The following ARPC1A variants were observed in gnomAD, a reference collection of about 807,000 sequenced individuals.
ARPC1A encodes the protein actin-related protein 2/3 complex subunit 1A.
A neutral mutation model predicts 46.9 loss-of-function variants in ARPC1A; 8 were observed. The observed-to-expected ratio is 0.17, with a 90% confidence interval of 0.10 to 0.31. ARPC1A has a LOEUF of 0.31. Among genes scored for constraint, ARPC1A ranks in the 10% least tolerant of loss-of-function variants. The pLI, the probability that ARPC1A is intolerant of heterozygous loss-of-function variation, is 1.00. For synonymous variants in ARPC1A, 152 were observed against 169.0 expected, an observed-to-expected ratio of 0.90 and a Z score of 0.78; for missense variants, 286 against 483.6, an observed-to-expected ratio of 0.59 and a Z score of 3.83.
intron 5 of ARPC1A, among the ~76,000 whole-genome samples, chr7:99,353,243 G>A (rs1472695656): frequency 6.8e-6 from 1 of 147,714 alleles, no homozygotes; most frequent in East Asian, 2.1e-4. Flanking sequence ...ACTGCAAGCT[G>A]TGCCTCCTGG....
chr7:99,340,156 G>A (rs1793333867), intron 3 of ARPC1A: 3 of 350,606 alleles, frequency 8.6e-6, no homozygotes, highest in Non-Finnish European at 1.7e-5. Context: ...GTTTTTGTTT[G>A]TTTGTTTGTT....
rs573755738 is a variant in ARPC1A, at chr7:99,355,937, G to C, written c.713+1816G>C. Among the ~76,000 whole-genome samples the C allele has an allele frequency of 2.0e-5, 3 of 152,312 alleles. No homozygotes were observed. The South Asian group carries it at 6.2e-4, about 32-fold the overall frequency. Reference sequence around the variant, plus strand: ...GCCACTTCTCTGCTGTGGCTGGAAGGACTCGAATTACGGTGGCTTCTTTGT... The same window carrying C: ...GCCACTTCTCTGCTGTGGCTGGAAGCACTCGAATTACGGTGGCTTCTTTGT... On this transcript the variant is annotated intron_variant, in intron 6 of 9. Transcript: ENST00000262942.
Position 99,353,976 on chromosome 7 carries a change from C to G in ARPC1A, c.568C>G (p.Pro190Ala), listed in dbSNP as rs573083020. The change falls in exon 6 of 10, where the codon CCT (proline) becomes GCT (alanine). Residue 190 changes from proline to alanine, a missense_variant. By Grantham distance (27) the Pro-to-Ala change is conservative. Transcript: ENST00000262942. ...PASTPWGSKM[P>A]FGQLMSEFGG... ...CAGCACGCCCTGGGGCAGCAAGATG[C>G]CTTTTGGGCAGCTGATGTCAGAGTT... The G allele has an allele frequency of 6.2e-7, 1 of 1,613,990 alleles. No homozygotes were observed. The highest frequency in any genetic ancestry group is 1.1e-5 in the South Asian group (1 of 91,080).
In ARPC1A at chr7:99,365,936, G is replaced by A. The variant is rs1793833597; in HGVS notation, c.*7G>A. On this transcript the variant is annotated 3_prime_UTR_variant, in exon 10 of 10. Coordinates refer to ENST00000262942, the MANE Select transcript of ARPC1A (RefSeq NM_006409.4). ...GGGCCTCCGGATAATGTGAAGCTGA[G>A]TGAGCCTCCGCCATCCAGCATGACA... is the stretch of plus-strand genomic sequence containing the variant. The A allele has an allele frequency of 1.9e-6, 3 of 1,569,354 alleles. No homozygotes were observed. The highest frequency in any genetic ancestry group is 1.3e-5 in the African/African-American group (1 of 74,204).
chr7:99,346,119 G>A (rs1793440148), intron 4 of ARPC1A, among the ~76,000 whole-genome samples: 1 of 151,820 alleles, frequency 6.6e-6, no homozygotes, highest in Non-Finnish European at 1.5e-5. Context: ...GGGAGGCTGA[G>A]GCAGGAGAAT....
At chr7:99,329,075 C>T (rs1291078167) in intron 1 of ARPC1A, among the ~76,000 whole-genome samples, 5 of 151,998 alleles carry the variant, frequency 3.3e-5, no homozygotes, top group East Asian at 1.9e-4. Flanking sequence ...CCGAGGCAGG[C>T]GGATCACGAG....
At chr7:99,364,294 CAG>C (rs1359836428) in intron 9 of ARPC1A, among the ~76,000 whole-genome samples, 1 of 120,428 alleles carries the variant, frequency 8.3e-6, no homozygotes, top group Non-Finnish European at 1.7e-5. Flanking sequence ...TTTTTTGAGA[CAG>C]AGTTTCGCTC....
intron 4 of ARPC1A, among the ~76,000 whole-genome samples, chr7:99,346,876 G>T (rs898001239): frequency 1.3e-5 from 2 of 152,092 alleles, no homozygotes; most frequent in Non-Finnish European, 2.9e-5. Flanking sequence ...CTACTTGGGA[G>T]TCTGAGGCAG....
chr7:99,351,895 C>G (rs1793547871), intron 5 of ARPC1A, among the ~76,000 whole-genome samples: 1 of 152,154 alleles, frequency 6.6e-6, no homozygotes, highest in Non-Finnish European at 1.5e-5. Flanking sequence ...CCAGAACATC[C>G]TCAAACACAG....
intron 1 of ARPC1A, among the ~76,000 whole-genome samples, chr7:99,329,016 A>AG (rs1793099337): frequency 6.7e-6 from 1 of 148,326 alleles, no homozygotes; most frequent in Non-Finnish European, 1.5e-5. Flanking sequence ...AAAAGGGATG[A>AG]GGGGCAGGGC....
At chr7:99,327,477 A>ATTT (rs112492087) in intron 1 of ARPC1A, among the ~76,000 whole-genome samples, 19 of 139,038 alleles carry the variant, frequency 1.4e-4, no homozygotes, top group African/African-American at 4.6e-4. Context: ...CGCCTGGCTA[A>ATTT]TTTTTTTTTT....
chr7:99,359,676 C>T lies in ARPC1A; in HGVS notation c.921C>T (p.Asp307=). ...CCATGGAACGCTTCCGCAACATGGA[C>T]AAGAGAGCCACAACTGAGGACCGCA... ...MSAMERFRNM[D]KRATTEDRNT... is the part of the protein sequence containing the mutation. Residue 307 remains aspartate (D), a synonymous_variant, in exon 8 of 10, where the codon GAC becomes GAT. Coordinates refer to ENST00000262942, the MANE Select transcript of ARPC1A (RefSeq NM_006409.4). 1 of 1,614,184 alleles carries T rather than the reference C, an allele frequency of 6.2e-7. No homozygotes were observed. Among genetic ancestry groups the T allele is most frequent in the Non-Finnish European group, 8.5e-7 (1 of 1,180,050 alleles).
chr7:99,343,472 A>C (rs1039776887), intron 3 of ARPC1A, among the ~76,000 whole-genome samples: 1 of 152,026 alleles, frequency 6.6e-6, no homozygotes, highest in Admixed American at 6.5e-5. Flanking sequence ...ATCTCAAAAA[A>C]AAAAAAGAAA....
intron 1 of ARPC1A, among the ~76,000 whole-genome samples, chr7:99,331,344 T>C (rs1311462039): frequency 6.6e-6 from 1 of 151,506 alleles, no homozygotes; most frequent in African/African-American, 2.4e-5. Flanking sequence ...GCAGTGAGCA[T>C]AGATTGCACC....
intron 5 of ARPC1A, among the ~76,000 whole-genome samples, chr7:99,349,754 G>A (rs1440652171): frequency 6.6e-6 from 1 of 152,098 alleles, no homozygotes; most frequent in Non-Finnish European, 1.5e-5. Flanking sequence ...GCAGGAGAAT[G>A]GTGTGAACTC....
intron 2 of ARPC1A, among the ~76,000 whole-genome samples, chr7:99,334,914 G>A (rs1055242917): frequency 9.9e-5 from 15 of 152,040 alleles, no homozygotes; most frequent in Non-Finnish European, 1.6e-4. Context: ...CACAATCTTG[G>A]CCCACTGCAA....
intron 5 of ARPC1A, among the ~76,000 whole-genome samples, chr7:99,352,563 G>A (rs1793561279): frequency 6.6e-6 from 1 of 152,064 alleles, no homozygotes; most frequent in African/African-American, 2.4e-5. Context: ...GGCTGAGGCA[G>A]GAGGATCACT....
chr7:99,331,817 G>T (rs1793148798), intron 1 of ARPC1A, among the ~76,000 whole-genome samples: 1 of 152,170 alleles, frequency 6.6e-6, no homozygotes, highest in Non-Finnish European at 1.5e-5. Flanking sequence ...TACTCAGGAG[G>T]CTGAGGCAGG....
rs1793838429 is a variant in ARPC1A at position 99,366,211 on chromosome 7, G to A, written c.*282G>A. 1 of 385,380 alleles carries A rather than the reference G, an allele frequency of 2.6e-6. No individual in the cohort carries two copies. Among genetic ancestry groups the A allele is most frequent in the African/African-American group, 2.1e-5 (1 of 48,308 alleles). The allele number at this position is 385,380 out of a possible 1,614,324, so 23.9% of individuals were successfully genotyped here. A position where few individuals can be genotyped will look rare whatever the true frequency, so the allele number is the denominator to read the frequency against. ...CACACTAACTTAAAAGACAGGGTGA[G>A]GGAGATATGTAAATTGTCCACTAGA... On this transcript the variant is annotated 3_prime_UTR_variant, in exon 10 of 10. Coordinates refer to ENST00000262942, the MANE Select transcript of ARPC1A (RefSeq NM_006409.4).
Sources: gnomAD v4.1 joint callset for allele counts (sites outside exome capture counted in the v4.1 genomes callset) on GRCh38, gnomAD v4.1.1 for gene constraint, MANE v1.5 for transcripts, NCBI Gene and HGNC (gene_info 2026-07-23, HGNC 2026-07-21) for gene names.